PPP1R1C: variants seen among roughly 807,000 people sequenced by gnomAD.
PPP1R1C encodes the protein protein phosphatase 1 regulatory inhibitor subunit 1C.
PPP1R1C carries 15 observed loss-of-function variants against 17.4 expected under a neutral mutation model. The observed-to-expected ratio is 0.86, with a 90% CI of 0.58 to 1.33. PPP1R1C has a LOEUF of 1.33. PPP1R1C is among the 40% of genes most tolerant of loss of function. PPP1R1C has a pLI of 0.00. For missense variants in PPP1R1C, 143 were observed against 130.0 expected (o/e 1.10, Z -0.48); for synonymous variants, 35 against 43.1 (o/e 0.81, Z 0.73).
exon 6 of PPP1R1C, chr2:182,129,007 CTTG>C (rs1451333183): frequency 1.3e-5 from 2 of 152,112 alleles, no homozygotes; most frequent in Admixed American, 6.6e-5. Context: ...CAGAAGTTGA[CTTG>C]TTAGTGCTGT....
intron 2 of PPP1R1C, among the ~76,000 whole-genome samples, chr2:182,049,778 G>C (rs972865752): frequency 2.6e-5 from 4 of 152,138 alleles, no homozygotes; most frequent in Non-Finnish European, 5.9e-5. Context: ...CTAATGGTCT[G>C]TGGTCTTTGT....
chr2:181,980,848 T>C (rs1685178880), intron 2 of PPP1R1C, among the ~76,000 whole-genome samples: 1 of 152,074 alleles, frequency 6.6e-6, no homozygotes, highest in Admixed American at 6.5e-5. Context: ...TACTGATTGA[T>C]ATGAGGATTC....
chr2:182,029,464 A>G (rs1317393854), intron 2 of PPP1R1C, among the ~76,000 whole-genome samples: 3 of 149,786 alleles, frequency 2.0e-5, no homozygotes, highest in East Asian at 2.0e-4. Flanking sequence ...TTTCTCCTTC[A>G]CTTATGAATC....
intron 3 of PPP1R1C, 51 bp from the exon 4 acceptor site, chr2:182,063,680 C>A: frequency 1.4e-6 from 2 of 1,406,988 alleles, no homozygotes. Flanking sequence ...CTGATGGCAT[C>A]GTACTTTGTA....
chr2:182,126,138 T>G (rs1326298744), intron 5 of PPP1R1C, among the ~76,000 whole-genome samples: 1 of 152,124 alleles, frequency 6.6e-6, no homozygotes, highest in Non-Finnish European at 1.5e-5. Context: ...GATTTATGCA[T>G]TCATAAATAA....
chr2:182,035,149 G>A (rs1275545627), intron 2 of PPP1R1C, among the ~76,000 whole-genome samples: 4 of 152,110 alleles, frequency 2.6e-5, no homozygotes, highest in Non-Finnish European at 4.4e-5. Context: ...TGTGAATCTG[G>A]GCTCTTCATC....
At chr2:182,113,028 C>T (rs936967507) in intron 4 of PPP1R1C, among the ~76,000 whole-genome samples, 2 of 152,050 alleles carry the variant, frequency 1.3e-5, no homozygotes, top group African/African-American at 2.4e-5. Flanking sequence ...CAGAATATTT[C>T]CTTTGTGGAT....
At position 181,961,848 on chromosome 2, in the gene PPP1R1C, G is replaced by A; in HGVS notation, n.111+7214G>A. ...CCTCTTCGTGGTTCTTCTTCATGAA[G>A]AGCAGCTCCTCCTTGAGAGCCTCCA... On this transcript the variant is annotated intron_variant and non_coding_transcript_variant, in intron 1 of 5. Transcript: ENST00000464264. The surrounding 1 kb of genome is among the most constrained non-coding windows in gnomAD (Gnocchi z 5.8). The A allele has an allele frequency of 1.1e-6, 1 of 902,860 alleles. No individual in the cohort carries two copies. Among genetic ancestry groups the A allele is most frequent in the Non-Finnish European group, 1.8e-6 (1 of 544,020 alleles). The allele number at this position is 902,860 out of a possible 1,614,324, so 55.9% of individuals were successfully genotyped here.
At chr2:182,074,876 C>T (rs1199378106) in intron 4 of PPP1R1C, among the ~76,000 whole-genome samples, 1 of 152,142 alleles carries the variant, frequency 6.6e-6, no homozygotes, top group East Asian at 1.9e-4. Context: ...ATTTATTAAA[C>T]TTGTACTCTG....
chr2:182,116,350 G>A (rs534349314), intron 4 of PPP1R1C, among the ~76,000 whole-genome samples: 1 of 152,252 alleles, frequency 6.6e-6, no homozygotes, highest in South Asian at 2.1e-4. Context: ...ATTGACAATA[G>A]ATGTTCTAAG....
Position 181,962,291 on chromosome 2 carries a change from A to G in PPP1R1C, n.111+7657A>G. The G allele has an allele frequency of 2.6e-6, 2 of 759,896 alleles. No individual in the cohort carries two copies. The highest frequency in any genetic ancestry group is 4.6e-6 in the Non-Finnish European group (2 of 439,408). 47.1% of individuals were successfully genotyped at this position (759,896 alleles called of 1,614,324 possible). On this transcript the variant is annotated intron_variant and non_coding_transcript_variant, in intron 1 of 5. Transcript: ENST00000464264. The surrounding 1 kb of genome is among the most constrained non-coding windows in gnomAD (Gnocchi z 6.0). Reference sequence around the variant, plus strand: ...CAGACCCCCGGCCATCCCCGCGGCCAGGTCCCCGGACCCCATGCCACCCCG... The same window carrying G: ...CAGACCCCCGGCCATCCCCGCGGCCGGGTCCCCGGACCCCATGCCACCCCG...
At chr2:182,036,681 C>G (rs1198782340) in intron 2 of PPP1R1C, among the ~76,000 whole-genome samples, 2 of 152,036 alleles carry the variant, frequency 1.3e-5, no homozygotes, top group Non-Finnish European at 2.9e-5. Flanking sequence ...TATACATTCT[C>G]TCTGTCTCTC....
chr2:182,004,078 TA>T (rs1685846728), intron 2 of PPP1R1C, among the ~76,000 whole-genome samples: 1 of 152,174 alleles, frequency 6.6e-6, no homozygotes, highest in South Asian at 2.1e-4. Context: ...CTAGTTAAAA[TA>T]TCTTTTCTGA....
Position 181,970,447 on chromosome 2 carries a change from T to A in PPP1R1C, n.112-4772T>A, listed in dbSNP as rs145817131. Among the ~76,000 whole-genome samples, 406 of 152,320 alleles carry A rather than the reference T, an allele frequency of 2.7e-3. 6 individuals are homozygous for A. Among genetic ancestry groups the A allele is most frequent in the African/African-American group, 9.4e-3 (390 of 41,568 alleles). On this transcript the variant is annotated intron_variant and non_coding_transcript_variant, in intron 1 of 5. Coordinates refer to the PPP1R1C transcript ENST00000464264. ...ATAAGATCTTGAAGTATTCTCTGGA[T>A]TACCAGGCAGAGACTCTTCTTCTCT... is the stretch of plus-strand genomic sequence containing the variant.
chr2:182,025,292 T>C, intron 2 of PPP1R1C, among the ~76,000 whole-genome samples: 1 of 145,434 alleles, frequency 6.9e-6, no homozygotes, highest in Non-Finnish European at 1.5e-5. Flanking sequence ...TGTGCCATGC[T>C]GGTGCGCTGC....
chr2:182,044,002 TG>T (rs897749659), intron 2 of PPP1R1C, among the ~76,000 whole-genome samples: 1 of 152,198 alleles, frequency 6.6e-6, no homozygotes, highest in Non-Finnish European at 1.5e-5. Context: ...ATGTAATGTT[TG>T]ACTCACTTTT....
At chr2:182,119,901 T>C (rs1289910415), downstream of PPP1R1C, among the ~76,000 whole-genome samples, 1 of 152,238 alleles carries the variant, frequency 6.6e-6, no homozygotes. Flanking sequence ...GCAGAAGGTC[T>C]TTAGTTTAAT....
intron 4 of PPP1R1C, among the ~76,000 whole-genome samples, chr2:182,110,665 T>C (rs1574460411): frequency 6.6e-6 from 1 of 152,328 alleles, no homozygotes; most frequent in East Asian, 1.9e-4. Context: ...TCTGTGGCTG[T>C]AAATGCAACT....
intron 4 of PPP1R1C, among the ~76,000 whole-genome samples, chr2:182,116,353 G>T (rs1206098757): frequency 1.3e-5 from 2 of 152,154 alleles, no homozygotes; most frequent in South Asian, 2.1e-4. Flanking sequence ...GACAATAGAT[G>T]TTCTAAGAGC....
Sources: gnomAD v4.1 joint callset for allele counts (sites outside exome capture counted in the v4.1 genomes callset) on GRCh38, gnomAD v4.1.1 for gene constraint, Gnocchi (gnomAD v3.1) non-coding constraint, MANE v1.5 for transcripts, NCBI Gene and HGNC (gene_info 2026-07-23, HGNC 2026-07-21) for gene names.